The following IKBIP variants were observed in gnomAD, a reference collection of about 807,000 sequenced individuals.
IKBIP encodes inhibitor of nuclear factor kappa-B kinase-interacting protein.
IKBIP carries 28 observed loss-of-function variants against 31.0 expected under a neutral mutation model. That is an observed-to-expected ratio of 0.90 (90% CI 0.67 to 1.24). IKBIP has a LOEUF of 1.24. Ranked by LOEUF, IKBIP falls within the 50% of genes most tolerant of loss-of-function variation. The pLI is 0.00. For synonymous variants in IKBIP, 164 were observed against 160.3 expected, an observed-to-expected ratio of 1.02 and a Z score of -0.17; for missense variants, 453 against 441.9, an observed-to-expected ratio of 1.03 and a Z score of -0.23.
At chr12:98,644,001 G>GT (rs1329645918) in intron 1 of IKBIP, among the ~76,000 whole-genome samples, 2 of 152,094 alleles carry the variant, frequency 1.3e-5, no homozygotes, top group Non-Finnish European at 2.9e-5. Context: ...ATTTTTGGTA[G>GT]AGATGGGGTT....
downstream of IKBIP, among the ~76,000 whole-genome samples, chr12:98,623,070 C>T (rs58666099): frequency 0.074 from 11,191 of 150,756 alleles, 637 homozygotes; most frequent in East Asian, 0.21. Context: ...ACCTCTGCCT[C>T]CCGGTTCAAG....
downstream of IKBIP, among the ~76,000 whole-genome samples, chr12:98,621,381 C>A (rs536545475): frequency 1.3e-5 from 2 of 152,222 alleles, no homozygotes; most frequent in African/African-American, 4.8e-5. Context: ...TCTTCTCCAA[C>A]ATTTATTCAT....
exon 3 of IKBIP, chr12:98,613,523 C>T: frequency 5.6e-6 from 4 of 713,360 alleles, no homozygotes; most frequent in South Asian, 5.6e-5. Flanking sequence ...TTTGATTTAC[C>T]AGTCTTCTCA....
chr12:98,639,455 T>C (rs1430760776), intron 1 of IKBIP, among the ~76,000 whole-genome samples: 2 of 152,214 alleles, frequency 1.3e-5, no homozygotes, highest in Non-Finnish European at 2.9e-5. Context: ...TATCATATCA[T>C]ATGGCCTTGT....
downstream of IKBIP, among the ~76,000 whole-genome samples, chr12:98,620,093 A>ATTTT (rs772601870): frequency 1.1e-5 from 1 of 95,054 alleles, no homozygotes. Context: ...TAAGTTTTCT[A>ATTTT]TTTTTTTTTT....
chr12:98,623,254 A>AG (rs1298841233), downstream of IKBIP, among the ~76,000 whole-genome samples: 1 of 151,044 alleles, frequency 6.6e-6, no homozygotes, highest in African/African-American at 2.5e-5. Context: ...CTGGGATTAC[A>AG]GGGGTGAGCC....
chr12:98,638,162 G>A (rs918803157), intron 1 of IKBIP, among the ~76,000 whole-genome samples: 2 of 152,180 alleles, frequency 1.3e-5, no homozygotes, highest in Non-Finnish European at 2.9e-5. Flanking sequence ...TGGAGGCAAC[G>A]AATCATACTG....
chr12:98,637,209 A>C (rs546618303), intron 1 of IKBIP, among the ~76,000 whole-genome samples: 2 of 152,170 alleles, frequency 1.3e-5, no homozygotes, highest in East Asian at 3.9e-4. Flanking sequence ...AATAAAAAAA[A>C]ATTCATCCTT....
chr12:98,621,322 T>TC (rs2097610013), downstream of IKBIP, among the ~76,000 whole-genome samples: 1 of 152,168 alleles, frequency 6.6e-6, no homozygotes, highest in South Asian at 2.1e-4. Flanking sequence ...CAAAACCTAT[T>TC]AATAGATTAG....
Position 98,614,045 on chromosome 12 carries a change from TC to T in IKBIP, c.592del (p.Glu198AsnfsTer2), listed in dbSNP as rs764237033. The T allele has an allele frequency of 3.7e-6, 6 of 1,611,320 alleles. No individual in the cohort carries two copies. In the Admixed American group the frequency reaches 1.0e-4, roughly 27 times the overall value. ...TACTTTCTCTATTTTATTTTCTAGT[TC>T]TTGCACAGAATCTGTCAATGATATT... is the stretch of plus-strand genomic sequence containing the variant. On this transcript the variant is annotated frameshift_variant, in exon 3 of 3. Coordinates refer to the IKBIP transcript ENST00000342502. LOFTEE classifies it high-confidence loss of function.
At chr12:98,616,691 T>C (rs2097606464) in intron 2 of IKBIP, among the ~76,000 whole-genome samples, 1 of 152,216 alleles carries the variant, frequency 6.6e-6, no homozygotes, top group African/African-American at 2.4e-5. Flanking sequence ...TCCAGTTTCA[T>C]TCTTCTGCAT....
At chr12:98,621,227 C>T (rs1005150211), downstream of IKBIP, among the ~76,000 whole-genome samples, 27 of 152,010 alleles carry the variant, frequency 1.8e-4, no homozygotes, top group East Asian at 5.8e-4. Flanking sequence ...CCAGCCTGGG[C>T]GACACAGCAA....
intron 2 of IKBIP, among the ~76,000 whole-genome samples, chr12:98,632,973 G>C (rs2097622396): frequency 1.3e-5 from 2 of 151,940 alleles, no homozygotes; most frequent in African/African-American, 4.8e-5. Context: ...CTCCTTTGCA[G>C]CTCCTTCCCC....
exon 3 of IKBIP, chr12:98,613,581 C>CT (rs776049842): frequency 7.0e-7 from 1 of 1,434,698 alleles, no homozygotes; most frequent in Non-Finnish European, 9.4e-7. Context: ...TCAATAATGT[C>CT]AAACTAATTC....
intron 2 of IKBIP, among the ~76,000 whole-genome samples, chr12:98,618,999 G>A (rs942640121): frequency 1.3e-5 from 2 of 152,150 alleles, no homozygotes; most frequent in African/African-American, 4.8e-5. Flanking sequence ...CATCATAAAT[G>A]TTTAATTTCA....
intron 1 of IKBIP, among the ~76,000 whole-genome samples, chr12:98,635,855 G>C (rs1592999039): frequency 6.6e-6 from 1 of 152,186 alleles, no homozygotes; most frequent in Non-Finnish European, 1.5e-5. Context: ...AATCAGTGCA[G>C]AGTGTATAAA....
intron 2 of IKBIP, among the ~76,000 whole-genome samples, chr12:98,631,601 C>T (rs544195475): frequency 3.4e-4 from 51 of 150,544 alleles, no homozygotes; most frequent in African/African-American, 1.2e-3. Flanking sequence ...GGTGAAACCC[C>T]GTCTCTACCA....
At chr12:98,637,285 A>G (rs2097626570) in intron 1 of IKBIP, among the ~76,000 whole-genome samples, 1 of 152,228 alleles carries the variant, frequency 6.6e-6, no homozygotes, top group East Asian at 1.9e-4. Flanking sequence ...GATGAAAAAA[A>G]TGAAGTGATA....
chr12:98,620,871 G>A (rs11109548), downstream of IKBIP, among the ~76,000 whole-genome samples: 18,428 of 151,546 alleles, frequency 0.12, 1,508 homozygotes, highest in Non-Finnish European at 0.18. Context: ...TTAAAAAAAG[G>A]GTAAATAAGT....
Sources: gnomAD v4.1 joint callset for allele counts (sites outside exome capture counted in the v4.1 genomes callset) on GRCh38, gnomAD v4.1.1 for gene constraint, MANE v1.5 for transcripts, NCBI Gene and HGNC (gene_info 2026-07-23, HGNC 2026-07-21) for gene names.